The following CMIP variants were observed in gnomAD, a reference collection of about 807,000 sequenced individuals.
CMIP encodes the protein c-Maf inducing protein.
A neutral mutation model predicts 97.3 loss-of-function variants in CMIP; 13 were observed. That is an observed-to-expected ratio of 0.13 (90% CI 0.09 to 0.21). CMIP has a LOEUF of 0.21. Among genes scored for constraint, CMIP ranks in the 10% least tolerant of loss-of-function variants. The pLI, the probability that CMIP is intolerant of heterozygous loss-of-function variation, is 1.00. For missense variants in CMIP, 847 were observed against 1,024.9 expected (o/e 0.83, Z 2.37); for synonymous variants, 538 against 436.3 (o/e 1.23, Z -2.91).
intron 6 of CMIP, among the ~76,000 whole-genome samples, chr16:81,663,821 G>A (rs1175961638): frequency 7.0e-4 from 106 of 152,076 alleles, no homozygotes; most frequent in Non-Finnish European, 1.3e-4. Context: ...TTTACCCCCT[G>A]CCCAGGGAGT....
At chr16:81,674,852 C>T (rs568298393) in intron 9 of CMIP, among the ~76,000 whole-genome samples, 4 of 152,174 alleles carry the variant, frequency 2.6e-5, no homozygotes, top group African/African-American at 9.6e-5. Flanking sequence ...TCCCAAAGTA[C>T]TGGGATTACA....
chr16:81,683,722 A>C (rs1905098083), intron 10 of CMIP, among the ~76,000 whole-genome samples: 1 of 135,842 alleles, frequency 7.4e-6, no homozygotes, highest in Non-Finnish European at 1.6e-5. Flanking sequence ...TCTTCTAGGT[A>C]GTTCTTTCTT....
intron 10 of CMIP, among the ~76,000 whole-genome samples, chr16:81,690,543 G>A (rs977002054): frequency 6.6e-6 from 1 of 152,196 alleles, no homozygotes; most frequent in Non-Finnish European, 1.5e-5. Flanking sequence ...TCGCTCTGTT[G>A]TCCAGGCTAG....
chr16:81,641,418 AT>A (rs201181850), intron 3 of CMIP, among the ~76,000 whole-genome samples: 10 of 149,676 alleles, frequency 6.7e-5, no homozygotes, highest in East Asian at 3.9e-4. Context: ...GCTACATACA[AT>A]TTTTTTTTTA....
chr16:81,656,084 A>T (rs1220751351), intron 4 of CMIP, among the ~76,000 whole-genome samples: 1 of 152,186 alleles, frequency 6.6e-6, no homozygotes, highest in Admixed American at 6.5e-5. Context: ...AGATCCAAAA[A>T]ACATCCTTTC....
At chr16:81,615,024 T>A (rs2091891536) in intron 2 of CMIP, among the ~76,000 whole-genome samples, 3 of 135,728 alleles carry the variant, frequency 2.2e-5, no homozygotes, top group Admixed American at 2.2e-4. Flanking sequence ...TCTGTGTGTA[T>A]ATGGTGTACG....
Position 81,652,893 on chromosome 16 carries a change from G to A in CMIP, c.639+529G>A, listed in dbSNP as rs1597200608. Among the ~76,000 whole-genome samples the A allele has an allele frequency of 6.6e-6, 1 of 152,202 alleles. No homozygotes were observed. Among genetic ancestry groups the A allele is most frequent in the African/African-American group, 2.4e-5 (1 of 41,530 alleles). On this transcript the variant is annotated intron_variant, in intron 4 of 20. Transcript: ENST00000537098. This position sits in a 1 kb window ranked among gnomAD's most constrained non-coding sequence, Gnocchi z 5.2. The stretch of plus-strand genomic sequence containing the variant: ...GGCCTCCTGTGCCATCTGCTTTGCT[G>A]GCCTCCTCGCATATTGAATGTGTGC...
At chr16:81,695,598 C>T (rs775736477) in intron 13 of CMIP, 1 of 152,300 alleles carries the variant, frequency 6.6e-6, no homozygotes, top group Non-Finnish European at 1.5e-5. Flanking sequence ...CCTGCACGCC[C>T]TTGCTCTCAT....
chr16:81,687,425 C>A (rs746942444), intron 10 of CMIP, among the ~76,000 whole-genome samples: 2 of 152,170 alleles, frequency 1.3e-5, no homozygotes, highest in Non-Finnish European at 2.9e-5. Flanking sequence ...CTGGCTTAGG[C>A]GAGAACTGAC....
chr16:81,489,479 C>T (rs2089372007), intron 1 of CMIP, among the ~76,000 whole-genome samples: 1 of 152,186 alleles, frequency 6.6e-6, no homozygotes, highest in African/African-American at 2.4e-5. Context: ...GGTGAGAGAC[C>T]AGCAGGAGAG....
At chr16:81,460,365 C>T (rs1393257911) in intron 1 of CMIP, among the ~76,000 whole-genome samples, 1 of 152,172 alleles carries the variant, frequency 6.6e-6, no homozygotes, top group East Asian at 1.9e-4. Context: ...CTCCTGCAGT[C>T]ATGTCACTCC....
rs545552268 is a variant in CMIP at position 81,476,495 on chromosome 16, C to CAG, written c.300+30958_300+30959dup. 286 of 718,096 alleles carry CAG rather than the reference C, an allele frequency of 4.0e-4. 5 individuals carry two copies. The highest frequency in any genetic ancestry group is 3.8e-3 in the South Asian group (279 of 73,688). The allele number at this position is 718,096 out of a possible 1,614,324, so 44.5% of individuals were successfully genotyped here. On this transcript the variant is annotated intron_variant, in intron 1 of 20. Coordinates refer to ENST00000537098, the MANE Select transcript of CMIP (RefSeq NM_198390.3). The stretch of plus-strand genomic sequence containing the variant: ...AAGGGCTCGCCGTTGACAGCGATGT[C>CAG]AGAGAACACAGTGGGGTTGACCATG...
intron 3 of CMIP, among the ~76,000 whole-genome samples, chr16:81,634,251 T>C (rs2092205188): frequency 6.6e-6 from 1 of 152,208 alleles, no homozygotes; most frequent in African/African-American, 2.4e-5. Flanking sequence ...TGCCTACTGT[T>C]TTCCATCTAC....
At chr16:81,628,793 C>T (rs571596764) in intron 3 of CMIP, among the ~76,000 whole-genome samples, 73 of 152,262 alleles carry the variant, frequency 4.8e-4, no homozygotes, top group Non-Finnish European at 8.7e-4. Context: ...GTGCCTGAGG[C>T]TTGCGTGAGA....
At chr16:81,612,280 C>T (rs2091844469) in intron 2 of CMIP, among the ~76,000 whole-genome samples, 1 of 152,214 alleles carries the variant, frequency 6.6e-6, no homozygotes, top group Admixed American at 6.5e-5. Flanking sequence ...AACAAGGCTT[C>T]AGGCAAGATA....
chr16:81,693,211 C>G, intron 12 of CMIP, 27 bp downstream of exon 12: 4 of 1,604,558 alleles, frequency 2.5e-6, no homozygotes, highest in Non-Finnish European at 3.4e-6. Context: ...CGCCCTCATT[C>G]CATTCTGGCA....
Position 81,537,389 on chromosome 16 carries a change from G to A in CMIP, c.301-70178G>A, listed in dbSNP as rs186926484. Among the ~76,000 whole-genome samples, 100 of 151,778 alleles carry A rather than the reference G, an allele frequency of 6.6e-4. 1 individual carries two copies. The highest frequency in any genetic ancestry group is 6.4e-3 in the Admixed American group (97 of 15,238). Reference sequence around the variant, plus strand: ...GTCTCTACTAAAAATACAAAAATTAGCCAGGCATGGTGGCACGCACCTGTA... The same window carrying A: ...GTCTCTACTAAAAATACAAAAATTAACCAGGCATGGTGGCACGCACCTGTA... On this transcript the variant is annotated intron_variant, in intron 1 of 20. Coordinates refer to ENST00000537098, the MANE Select transcript of CMIP (RefSeq NM_198390.3).
chr16:81,445,866 C>G (rs1254410958), intron 1 of CMIP, among the ~76,000 whole-genome samples: 12 of 151,356 alleles, frequency 7.9e-5, no homozygotes, highest in African/African-American at 2.9e-4. Flanking sequence ...GGACCCGACG[C>G]TGGGCCCTGA....
chr16:81,671,590 A>G (rs749180985), intron 8 of CMIP, among the ~76,000 whole-genome samples: 4 of 152,244 alleles, frequency 2.6e-5, no homozygotes, highest in African/African-American at 4.8e-5. Context: ...ACCATTTGCT[A>G]GGTCTCTCTG....
Sources: gnomAD v4.1 joint callset for allele counts (sites outside exome capture counted in the v4.1 genomes callset) on GRCh38, gnomAD v4.1.1 for gene constraint, Gnocchi (gnomAD v3.1) non-coding constraint, MANE v1.5 for transcripts, NCBI Gene and HGNC (gene_info 2026-07-23, HGNC 2026-07-21) for gene names.